TLK1: variants seen among roughly 807,000 people sequenced by gnomAD.
TLK1 encodes serine/threonine-protein kinase tousled-like 1.
TLK1 carries 24 observed loss-of-function variants against 105.3 expected under a neutral mutation model. The observed-to-expected ratio is 0.23, with a 90% CI of 0.17 to 0.32. The LOEUF (loss-of-function observed/expected upper bound fraction) is 0.32. TLK1 is among the 10% of genes least tolerant of loss of function. The pLI is 1.00. For synonymous variants in TLK1, 321 were observed against 310.4 expected, an observed-to-expected ratio of 1.03 and a Z score of -0.36; for missense variants, 558 against 910.5, an observed-to-expected ratio of 0.61 and a Z score of 4.98.
chr2:171,145,023 T>C (rs923219133), intron 1 of TLK1, among the ~76,000 whole-genome samples: 3 of 152,150 alleles, frequency 2.0e-5, no homozygotes, highest in Admixed American at 6.5e-5. Flanking sequence ...AGATACCATC[T>C]TACAGCCAGG....
chr2:171,178,713 A>G (rs1452779982), intron 1 of TLK1, among the ~76,000 whole-genome samples: 1 of 152,242 alleles, frequency 6.6e-6, no homozygotes, highest in Non-Finnish European at 1.5e-5. Context: ...AAATAGAGTC[A>G]AACAAAGCTG....
At chr2:171,050,788 G>C (rs1471514268) in intron 8 of TLK1, among the ~76,000 whole-genome samples, 1 of 152,190 alleles carries the variant, frequency 6.6e-6, no homozygotes, top group East Asian at 1.9e-4. Context: ...AGATGAGTCT[G>C]ATTAGTACAG....
At chr2:171,208,425 G>A (rs1309792389) in intron 1 of TLK1, among the ~76,000 whole-genome samples, 1 of 151,974 alleles carries the variant, frequency 6.6e-6, no homozygotes, top group Non-Finnish European at 1.5e-5. Flanking sequence ...GATTTTCTGA[G>A]TTTTATTTAT....
chr2:171,225,620 A>G (rs1405505469), intron 1 of TLK1, among the ~76,000 whole-genome samples: 3 of 152,172 alleles, frequency 2.0e-5, no homozygotes, highest in Non-Finnish European at 2.9e-5. Context: ...CTCTATACAT[A>G]CAAGAGAACT....
chr2:171,019,723 C>T (rs1046722415), intron 12 of TLK1, among the ~76,000 whole-genome samples: 1 of 152,040 alleles, frequency 6.6e-6, no homozygotes, highest in Admixed American at 6.6e-5. Context: ...GTCTATTCAC[C>T]GTAACAACAC....
rs1683812186 is a variant in TLK1, at chr2:170,992,162, G to A, written c.*1618C>T. 1 of 152,080 alleles carries A rather than the reference G, an allele frequency of 6.6e-6. No homozygotes were observed. Among genetic ancestry groups the A allele is most frequent in the Admixed American group, 6.5e-5 (1 of 15,280 alleles). The allele number at this position is 152,080 out of a possible 1,614,324, so 9.4% of individuals were successfully genotyped here. On this transcript the variant is annotated 3_prime_UTR_variant, in exon 21 of 21. Coordinates refer to ENST00000431350, the MANE Select transcript of TLK1 (RefSeq NM_012290.5). Reference sequence around the variant, plus strand: ...GCTCCCTTCCAATGTAATTTTCATAGTCTTTACATTTTAACTGTCATTGTT... The same window carrying A: ...GCTCCCTTCCAATGTAATTTTCATAATCTTTACATTTTAACTGTCATTGTT...
At chr2:171,096,324 A>AC (rs1395279152) in intron 2 of TLK1, among the ~76,000 whole-genome samples, 1 of 152,112 alleles carries the variant, frequency 6.6e-6, no homozygotes, top group African/African-American at 2.4e-5. Flanking sequence ...ACATAGCGAG[A>AC]CCCCATCTCT....
intron 1 of TLK1, among the ~76,000 whole-genome samples, chr2:171,179,013 G>C (rs1692881529): frequency 6.6e-6 from 1 of 152,130 alleles, no homozygotes; most frequent in Non-Finnish European, 1.5e-5. Flanking sequence ...GCTCTAGTTA[G>C]TGCTTTTTAT....
intron 18 of TLK1, among the ~76,000 whole-genome samples, chr2:171,002,811 T>C (rs4602193): frequency 0.96 from 145,419 of 151,888 alleles, 69,887 homozygotes; most frequent in East Asian, 1. Context: ...AATTTTTGTA[T>C]TTTTATGCAG....
intron 1 of TLK1, among the ~76,000 whole-genome samples, chr2:171,189,448 C>A (rs1220869005): frequency 2.0e-5 from 3 of 152,052 alleles, no homozygotes; most frequent in Non-Finnish European, 4.4e-5. Flanking sequence ...TATGATAGTA[C>A]AATTTTAATA....
intron 8 of TLK1, among the ~76,000 whole-genome samples, chr2:171,051,297 C>G (rs1687225585): frequency 6.6e-6 from 1 of 152,078 alleles, no homozygotes; most frequent in Non-Finnish European, 1.5e-5. Context: ...CTCCTCCTTC[C>G]TTAATAATGG....
intron 1 of TLK1, among the ~76,000 whole-genome samples, chr2:171,135,293 ATGTGTGTGTTTGTG>A (rs1198592030): frequency 8.4e-6 from 1 of 118,952 alleles, no homozygotes; most frequent in East Asian, 2.1e-4. Context: ...ATTCCACATT[ATGTGTGTGTTTGTG>A]TGTGTGTGTG....
chr2:171,020,877 G>C (rs1435313019), intron 12 of TLK1, among the ~76,000 whole-genome samples: 2 of 152,092 alleles, frequency 1.3e-5, no homozygotes, highest in Non-Finnish European at 2.9e-5. Context: ...ATTAAATATT[G>C]GGGGCTTTCT....
chr2:171,001,011 C>T (rs1306989677), intron 18 of TLK1, among the ~76,000 whole-genome samples: 1 of 151,082 alleles, frequency 6.6e-6, no homozygotes. Context: ...ACCCTTCACC[C>T]CACCTTCTTT....
chr2:171,167,195 A>T (rs1692625891), intron 1 of TLK1, among the ~76,000 whole-genome samples: 1 of 152,210 alleles, frequency 6.6e-6, no homozygotes, highest in South Asian at 2.1e-4. Context: ...CTTTCTCTTT[A>T]AACTACATGT....
intron 2 of TLK1, among the ~76,000 whole-genome samples, chr2:171,083,149 A>G (rs1428915850): frequency 6.6e-6 from 1 of 152,160 alleles, no homozygotes; most frequent in Non-Finnish European, 1.5e-5. Context: ...CATTGTTAGG[A>G]TGACAAGATC....
At chr2:171,210,697 A>G (rs1693597593) in intron 1 of TLK1, among the ~76,000 whole-genome samples, 1 of 152,216 alleles carries the variant, frequency 6.6e-6, no homozygotes, top group Non-Finnish European at 1.5e-5. Context: ...TTTGCATTGT[A>G]TTGCAACATC....
intron 3 of TLK1, among the ~76,000 whole-genome samples, chr2:171,063,149 C>A (rs1023577521): frequency 6.6e-6 from 1 of 152,092 alleles, no homozygotes; most frequent in Non-Finnish European, 1.5e-5. Context: ...AGTTCTAGAC[C>A]AGCCTGGCCA....
chr2:171,130,013 T>C (rs1382987062), intron 1 of TLK1, among the ~76,000 whole-genome samples: 4 of 152,168 alleles, frequency 2.6e-5, no homozygotes, highest in Non-Finnish European at 4.4e-5. Flanking sequence ...ATTTTAACAA[T>C]ACAGCCAGCT....
Sources: allele counts gnomAD v4.1 joint callset (sites outside exome capture counted in the v4.1 genomes callset), GRCh38; gene constraint gnomAD v4.1.1; transcripts MANE v1.5; gene names NCBI Gene and HGNC (gene_info 2026-07-23, HGNC 2026-07-21).